The following ARFGAP1 variants were observed in gnomAD, a reference collection of about 807,000 sequenced individuals.
The protein encoded by ARFGAP1 is ADP-ribosylation factor GTPase-activating protein 1.
A neutral mutation model predicts 54.0 loss-of-function variants in ARFGAP1; 26 were observed. The observed-to-expected ratio is 0.48, with a 90% CI of 0.35 to 0.67. ARFGAP1 has a LOEUF of 0.67. Ranked by LOEUF, ARFGAP1 falls within the 30% of genes least tolerant of loss-of-function variation. The pLI is 0.00. For missense variants in ARFGAP1, 525 were observed against 535.8 expected (o/e 0.98, Z 0.20); for synonymous variants, 248 against 211.9 (o/e 1.17, Z -1.48).
rs1407031618 is a variant in ARFGAP1 at position 63,283,194 on chromosome 20, G to A, written c.717+343G>A. 1.4e-5 allele frequency: 6 copies of A among 423,204 alleles called. No individual in the cohort carries two copies. In the East Asian group the frequency reaches 1.8e-4, roughly 13 times the overall value. The allele number at this position is 423,204 out of a possible 1,614,324, so 26.2% of individuals were successfully genotyped here. A position where few individuals can be genotyped will look rare whatever the true frequency, so the allele number is the denominator to read the frequency against. ...CGGTGGCCGCTCAGCCAGAAGGGCC[G>A]CTGTGGTTGGTGCTGTGCCTGCGGC... On this transcript the variant is annotated intron_variant, in intron 9 of 12. Transcript: ENST00000370283.
In ARFGAP1 at chr20:63,285,883, G is replaced by A. The variant is rs529324042; in HGVS notation, c.834+170G>A. 103 of 1,428,754 alleles carry A rather than the reference G, an allele frequency of 7.2e-5. No individual in the cohort carries two copies. In the African/African-American group the frequency reaches 1.4e-3, roughly 19 times the overall value. 88.5% of individuals were successfully genotyped at this position (1,428,754 alleles called of 1,614,324 possible). Reference sequence around the variant, plus strand: ...CCAGCCTGACAGCCCGAGGGATATGGAAACAACTTGGCCCACTGCGGCCCG... The same window carrying A: ...CCAGCCTGACAGCCCGAGGGATATGAAAACAACTTGGCCCACTGCGGCCCG... On this transcript the variant is annotated intron_variant, in intron 11 of 12. Coordinates refer to ENST00000370283, the MANE Select transcript of ARFGAP1 (RefSeq NM_018209.4).
chr20:63,278,677 G>T, intron 6 of ARFGAP1: 1 of 560,060 alleles, frequency 1.8e-6, no homozygotes, highest in Non-Finnish European at 3.2e-6. Flanking sequence ...GCTGGCTTTG[G>T]GGACTTGCTG....
chr20:63,288,485 C>T lies in ARFGAP1; in HGVS notation c.*612C>T. On this transcript the variant is annotated 3_prime_UTR_variant, in exon 13 of 13. Transcript: ENST00000370283. ...TGTGGCTCCCCTGCATCAGCACCGT[C>T]CCACCACCAAGTTCACCAGGTTCAC... The T allele has an allele frequency of 2.2e-6, 1 of 455,986 alleles. No homozygotes were observed. The highest frequency in any genetic ancestry group is 1.5e-5 in the South Asian group (1 of 64,562). The allele number at this position is 455,986 out of a possible 1,614,324, so 28.2% of individuals were successfully genotyped here.
In ARFGAP1 at chr20:63,276,144, C is replaced by T. The variant is rs1385445003; in HGVS notation, c.114C>T (p.Gly38=). ...CTCAGTGGGTCAGTGTGACCTACGG[C>T]ATCTGGATCTGCCTGGAGTGCTCGG... ...FNPQWVSVTY[G]IWICLECSGR... Residue 38 remains glycine (G), a synonymous_variant, in exon 3 of 13, where the codon GGC becomes GGT. Transcript: ENST00000370283. The surrounding 1 kb of genome is among the most constrained non-coding windows in gnomAD (Gnocchi z 5.2). 1.2e-6 allele frequency: 2 copies of T among 1,614,082 alleles called. No individual in the cohort carries two copies. The highest frequency in any genetic ancestry group is 2.2e-5 in the South Asian group (2 of 91,090).
rs1452972995 is a variant in ARFGAP1 at position 63,276,214 on chromosome 20, C to CGCTCTG, written c.170+21_170+26dup. The CGCTCTG allele has an allele frequency of 6.2e-7, 1 of 1,612,492 alleles. No individual in the cohort carries two copies. Among genetic ancestry groups the CGCTCTG allele is most frequent in the African/African-American group, 1.3e-5 (1 of 74,920 alleles). On this transcript the variant is annotated intron_variant, in intron 3 of 12. Transcript: ENST00000370283. The surrounding 1 kb of genome is among the most constrained non-coding windows in gnomAD (Gnocchi z 5.2). Reference sequence around the variant, plus strand: ...GGTTCACCTCAGGTCAGTGTCCTGCCGCTCTGGCTCTGCGGAGAGCCTGCG... The same window carrying CGCTCTG: ...GGTTCACCTCAGGTCAGTGTCCTGCCGCTCTGGCTCTGGCTCTGCGGAGAGCCTGCG...
chr20:63,286,244 T>C, intron 11 of ARFGAP1, 122 bp from the exon 12 acceptor site: 2 of 1,553,976 alleles, frequency 1.3e-6, no homozygotes, highest in Non-Finnish European at 1.7e-6. Context: ...GCACCCCTTG[T>C]TTCTGGATTT....
chr20:63,284,562 C>A, intron 9 of ARFGAP1: 1 of 1,263,202 alleles, frequency 7.9e-7, no homozygotes, highest in Non-Finnish European at 1.0e-6. Flanking sequence ...ACAGGCTCCA[C>A]AGGGCCTGTT....
At chr20:63,284,232 C>A (rs1601361212) in intron 9 of ARFGAP1, 2 of 1,216,240 alleles carry the variant, frequency 1.6e-6, no homozygotes, top group East Asian at 4.0e-5. Context: ...GTTTCCTGGC[C>A]ACCTGCGCTC....
At chr20:63,273,649 C>T (rs1023407275) in intron 1 of ARFGAP1, 1 of 152,240 alleles carries the variant, frequency 6.6e-6, no homozygotes, top group Non-Finnish European at 1.5e-5. Context: ...TCTCTCCCTC[C>T]GGTAGTTCTG....
At position 63,281,235 on chromosome 20, in the gene ARFGAP1, G is replaced by A. The variant is rs143690557; in HGVS notation, c.628-56G>A. On this transcript the variant is annotated intron_variant, in intron 7 of 12. Transcript: ENST00000370283. The stretch of plus-strand genomic sequence containing the variant: ...CTTCCTTGCTGAGATACTCTGCTCA[G>A]CGCCGGGTTCCTGGGTCCCAGTCCT... 6.4e-5 allele frequency: 99 copies of A among 1,542,522 alleles called. No individual in the cohort carries two copies. In the African/African-American group the frequency reaches 1.1e-3, roughly 18 times the overall value.
rs538130209 is a variant in ARFGAP1, at chr20:63,283,151, G to A, written c.717+300G>A. Reference sequence around the variant, plus strand: ...GTTGGGAGCAGGACTGCCCGGCTTGGCAGATGGCCCACGCTGGCGGTGGCC... The same window carrying A: ...GTTGGGAGCAGGACTGCCCGGCTTGACAGATGGCCCACGCTGGCGGTGGCC... On this transcript the variant is annotated intron_variant, in intron 9 of 12. Transcript: ENST00000370283. 1.2e-4 allele frequency: 60 copies of A among 481,014 alleles called. 1 individual carries two copies. Among genetic ancestry groups the A allele is most frequent in the African/African-American group, 9.3e-4 (48 of 51,538 alleles). 29.8% of individuals were successfully genotyped at this position (481,014 alleles called of 1,614,324 possible).
At chr20:63,283,716 G>A in intron 9 of ARFGAP1, 1 of 912,436 alleles carries the variant, frequency 1.1e-6, no homozygotes, top group Non-Finnish European at 1.7e-6. Flanking sequence ...CTGCTCCAGG[G>A]TTGTGTTGCT....
chr20:63,283,193 C>T (rs372211078), intron 9 of ARFGAP1: 31 of 423,870 alleles, frequency 7.3e-5, no homozygotes, highest in African/African-American at 3.8e-4. Context: ...CCAGAAGGGC[C>T]GCTGTGGTTG....
chr20:63,283,619 G>A (rs1482392557), intron 9 of ARFGAP1: 4 of 485,936 alleles, frequency 8.2e-6, no homozygotes, highest in Non-Finnish European at 1.5e-5. Context: ...ACGCCCATCT[G>A]GCTTTTTCGT....
rs543956734 is a variant in ARFGAP1, at chr20:63,279,191, A to G, written c.627+196A>G. ...ATTTTTCAGATCCCAAATGTATTCA[A>G]TCACTTCCTTTTTTTTTTTTTTTTT... On this transcript the variant is annotated intron_variant, in intron 7 of 12. Transcript: ENST00000370283. 1.7e-3 allele frequency: 1,129 copies of G among 672,456 alleles called. 3 individuals carry two copies. The highest frequency in any genetic ancestry group is 1.7e-3 in the Non-Finnish European group (660 of 377,312). The allele number at this position is 672,456 out of a possible 1,614,324, so 41.7% of individuals were successfully genotyped here. A position where few individuals can be genotyped will look rare whatever the true frequency, so the allele number is the denominator to read the frequency against.
Position 63,288,039 on chromosome 20 carries a change from C to T in ARFGAP1, c.*166C>T, listed in dbSNP as rs532835405. On this transcript the variant is annotated 3_prime_UTR_variant, in exon 13 of 13. Coordinates refer to ENST00000370283, the MANE Select transcript of ARFGAP1 (RefSeq NM_018209.4). ...GAGACCCGGGTGTGCGCCGCCTGCG[C>T]GTGGGGAGTCTTCGGTGCGTGGGGG... 1.6e-5 allele frequency: 13 copies of T among 826,566 alleles called. No individual in the cohort carries two copies. The highest frequency in any genetic ancestry group is 1.3e-4 in the South Asian group (7 of 55,102). 51.2% of individuals were successfully genotyped at this position (826,566 alleles called of 1,614,324 possible).
chr20:63,288,374 C>G lies in ARFGAP1; in HGVS notation c.*501C>G. 2.2e-6 allele frequency: 1 copy of G among 456,508 alleles called. No individual in the cohort carries two copies. The highest frequency in any genetic ancestry group is 4.4e-6 in the Non-Finnish European group (1 of 227,102). The allele number at this position is 456,508 out of a possible 1,614,324, so 28.3% of individuals were successfully genotyped here. A position where few individuals can be genotyped will look rare whatever the true frequency, so the allele number is the denominator to read the frequency against. The stretch of plus-strand genomic sequence containing the variant: ...GGAAATGCTGGAAATGATACTGGCG[C>G]TCACGCTGCCATCCGACCACCCTCG... On this transcript the variant is annotated 3_prime_UTR_variant, in exon 13 of 13. Coordinates refer to ENST00000370283, the MANE Select transcript of ARFGAP1 (RefSeq NM_018209.4).
intron 8 of ARFGAP1, 104 bp downstream of exon 8, chr20:63,281,451 G>C (rs971429944): frequency 4.1e-5 from 57 of 1,388,758 alleles, no homozygotes; most frequent in Non-Finnish European, 5.1e-5. Flanking sequence ...GTGGGACACA[G>C]AGGGTTTCTG....
At chr20:63,280,812 G>A (rs2067360820) in intron 7 of ARFGAP1, among the ~76,000 whole-genome samples, 1 of 152,228 alleles carries the variant, frequency 6.6e-6, no homozygotes, top group South Asian at 2.1e-4. Context: ...GGAGGAAGAG[G>A]GTGAGTTGTG....
Sources: gnomAD v4.1 joint callset for allele counts (sites outside exome capture counted in the v4.1 genomes callset) on GRCh38, gnomAD v4.1.1 for gene constraint, Gnocchi (gnomAD v3.1) non-coding constraint, MANE v1.5 for transcripts, NCBI Gene and HGNC (gene_info 2026-07-23, HGNC 2026-07-21) for gene names.